DACH2: variants seen among roughly 807,000 people sequenced by gnomAD.
The protein encoded by DACH2 is dachshund family transcription factor 2.
DACH2 carries 17 observed loss-of-function variants against 35.8 expected under a neutral mutation model. That is an observed-to-expected ratio of 0.48 (90% CI 0.33 to 0.71). The LOEUF (loss-of-function observed/expected upper bound fraction) is 0.71. Ranked by LOEUF, DACH2 falls within the 30% of genes least tolerant of loss-of-function variation. DACH2 has a pLI of 0.02. For synonymous variants in DACH2, 195 were observed against 177.3 expected (o/e 1.10, Z -0.79); for missense variants, 469 against 472.7 (o/e 0.99, Z 0.07).
At chrX:86,770,005 A>T (rs999776011) in intron 7 of DACH2, among the ~76,000 whole-genome samples, 23 of 108,957 alleles carry the variant, frequency 2.1e-4, no homozygotes, top group East Asian at 5.7e-4. Context: ...CTATAAAAAA[A>T]ATAAATAAAA....
intron 9 of DACH2, among the ~76,000 whole-genome samples, chrX:86,813,635 A>ATGG (rs1213573412): frequency 1.8e-5 from 1 of 54,285 alleles, no homozygotes; most frequent in African/African-American, 5.5e-5. Context: ...AATAATGGTA[A>ATGG]TAATAATAAT....
intron 7 of DACH2, among the ~76,000 whole-genome samples, chrX:86,753,981 C>T (rs1219965614): frequency 9.1e-6 from 1 of 109,374 alleles, no homozygotes; most frequent in African/African-American, 3.3e-5. Context: ...GGAATCCAAC[C>T]ACCATGAGAG....
At chrX:86,453,312 T>C (rs2037415420) in intron 2 of DACH2, among the ~76,000 whole-genome samples, 1 of 112,142 alleles carries the variant, frequency 8.9e-6, no homozygotes, top group African/African-American at 3.2e-5. Context: ...GGTGGAGAGT[T>C]CTGTCGATAT....
chrX:86,530,544 CT>C (rs770256161), intron 3 of DACH2, among the ~76,000 whole-genome samples: 8 of 111,555 alleles, frequency 7.2e-5, no homozygotes, highest in Non-Finnish European at 1.3e-4. Context: ...CTTGCTTCTC[CT>C]TTGCCTTCTG....
At position 86,349,853 on chromosome X, in the gene DACH2, T is replaced by C. The variant is rs978745488; in HGVS notation, c.489-26971T>C. Among the ~76,000 whole-genome samples, 4 of 111,790 alleles carry C rather than the reference T, an allele frequency of 3.6e-5. No homozygotes were observed. The Admixed American group carries it at 3.8e-4, about 11-fold the overall frequency. Reference sequence around the variant, plus strand: ...AATCATTTTTATTTTTAAATTGAAATATTAGATTTATTTACACTACAGTTA... The same window carrying C: ...AATCATTTTTATTTTTAAATTGAAACATTAGATTTATTTACACTACAGTTA... On this transcript the variant is annotated intron_variant, in intron 1 of 11. Transcript: ENST00000373125.
chrX:86,264,944 A>G (rs1314748210), intron 1 of DACH2, among the ~76,000 whole-genome samples: 1 of 111,006 alleles, frequency 9.0e-6, no homozygotes, highest in Non-Finnish European at 1.9e-5. Context: ...ATTTTTGCTG[A>G]AGTACAAACC....
chrX:86,432,997 T>G (rs1282351486), intron 2 of DACH2, among the ~76,000 whole-genome samples: 2 of 111,879 alleles, frequency 1.8e-5, no homozygotes, highest in African/African-American at 3.2e-5. Flanking sequence ...TTTATAACCC[T>G]AGATTCATCA....
intron 4 of DACH2, among the ~76,000 whole-genome samples, chrX:86,667,614 A>AAGAAAGAAAGAAAGAAAGAAAGGC: frequency 1.0e-5 from 1 of 96,990 alleles, no homozygotes; most frequent in East Asian, 3.7e-4. Context: ...GAAAGAAAGA[A>AAGAAAGAAAGAAAGAAAGAAAGGC]AGGCAGGCAG....
At chrX:86,458,261 T>A (rs1010687124) in intron 2 of DACH2, among the ~76,000 whole-genome samples, 2 of 111,660 alleles carry the variant, frequency 1.8e-5, no homozygotes, top group Non-Finnish European at 3.8e-5. Context: ...AAAAGGCAAA[T>A]GTTGGCAAAA....
At chrX:86,538,433 G>T (rs1286193796) in intron 3 of DACH2, among the ~76,000 whole-genome samples, 1 of 111,531 alleles carries the variant, frequency 9.0e-6, no homozygotes, top group Non-Finnish European at 1.9e-5. Flanking sequence ...TCAGGTACTT[G>T]TTATTAACAA....
intron 3 of DACH2, among the ~76,000 whole-genome samples, chrX:86,543,565 C>T (rs2038915036): frequency 9.1e-6 from 1 of 110,322 alleles, no homozygotes; most frequent in Non-Finnish European, 1.9e-5. Flanking sequence ...AAACCCAATA[C>T]AAGGATTCTA....
chrX:86,814,849 G>A lies in DACH2; in HGVS notation c.1684+15G>A. On this transcript the variant is annotated intron_variant, in intron 10 of 11. Transcript: ENST00000373125. Reference sequence around the variant, plus strand: ...GATGTTAAAAGGTAATGTCTGATTTGGATTTTCACACTCAAGGTAAACAAA... The same window carrying A: ...GATGTTAAAAGGTAATGTCTGATTTAGATTTTCACACTCAAGGTAAACAAA... 1 of 1,189,600 alleles carries A rather than the reference G, an allele frequency of 8.4e-7. No homozygotes were observed. Among genetic ancestry groups the A allele is most frequent in the Non-Finnish European group, 1.1e-6 (1 of 883,890 alleles).
intron 2 of DACH2, among the ~76,000 whole-genome samples, chrX:86,406,058 A>G (rs1163967482): frequency 1.8e-5 from 2 of 111,858 alleles, no homozygotes; most frequent in East Asian, 2.8e-4. Flanking sequence ...CCCTCCCATG[A>G]CACATGGGGA....
At chrX:86,208,417 A>G (rs1053339985) in intron 1 of DACH2, among the ~76,000 whole-genome samples, 9 of 111,561 alleles carry the variant, frequency 8.1e-5, no homozygotes, top group African/African-American at 2.9e-4. Context: ...ATCCAACTTC[A>G]CACCTTTTGT....
chrX:86,329,835 C>T (rs1431929236), intron 1 of DACH2, among the ~76,000 whole-genome samples: 4 of 111,748 alleles, frequency 3.6e-5, no homozygotes, highest in African/African-American at 1.3e-4. Flanking sequence ...TATTGCAAAC[C>T]ATTGCGGACA....
chrX:86,355,505 C>T (rs1421813942), intron 1 of DACH2, among the ~76,000 whole-genome samples: 1 of 111,440 alleles, frequency 9.0e-6, no homozygotes, highest in East Asian at 2.8e-4. Context: ...TTTTCTCTGC[C>T]ACCTTGACAG....
At chrX:86,310,474 C>A (rs1265080757) in intron 1 of DACH2, among the ~76,000 whole-genome samples, 1 of 111,387 alleles carries the variant, frequency 9.0e-6, no homozygotes, top group Non-Finnish European at 1.9e-5. Flanking sequence ...GACAGCTCTG[C>A]ACGATATGCA....
chrX:86,748,337 C>T (rs1473044511), intron 7 of DACH2, among the ~76,000 whole-genome samples: 1 of 112,058 alleles, frequency 8.9e-6, no homozygotes, highest in African/African-American at 3.2e-5. Flanking sequence ...AGAGTAATCT[C>T]TATATATGGA....
chrX:86,472,323 A>T (rs2037772413), intron 2 of DACH2, among the ~76,000 whole-genome samples: 1 of 111,660 alleles, frequency 9.0e-6, no homozygotes, highest in Non-Finnish European at 1.9e-5. Context: ...TGGAAGAAGG[A>T]CTGTGAAGCA....
Sources: allele counts gnomAD v4.1 joint callset (sites outside exome capture counted in the v4.1 genomes callset), GRCh38; gene constraint gnomAD v4.1.1; transcripts MANE v1.5; gene names NCBI Gene and HGNC (gene_info 2026-07-23, HGNC 2026-07-21).